Variants in ZBTB7A observed in about 807,000 individuals in gnomAD.
The protein encoded by ZBTB7A is zinc finger and BTB domain containing 7A.
A neutral mutation model predicts 26.7 loss-of-function variants in ZBTB7A; 7 were observed. The ratio of observed to expected loss-of-function variants is 0.26; its 90% confidence interval spans 0.15 to 0.49. The LOEUF (loss-of-function observed/expected upper bound fraction) is 0.49, where lower values mean the gene tolerates loss of function less well. ZBTB7A is among the 20% of genes least tolerant of loss of function. ZBTB7A has a pLI of 0.98. For synonymous variants in ZBTB7A, 452 were observed against 441.0 expected, an observed-to-expected ratio of 1.02 and a Z score of -0.31; for missense variants, 617 against 919.5, an observed-to-expected ratio of 0.67 and a Z score of 4.25.
rs982301808 is a variant in ZBTB7A, at chr19:4,044,271, C to T, written c.*3481G>A. On this transcript the variant is annotated 3_prime_UTR_variant, in exon 3 of 3. Transcript: ENST00000322357. ...TGGGGGGGCAGACTTTGGTATCGCC[C>T]GCTCGAGCCTGCCTGGCTGCAGGTC... 6.6e-6 allele frequency: 1 copy of T among 152,008 alleles called. No homozygotes were observed. Among genetic ancestry groups the T allele is most frequent in the Non-Finnish European group, 1.5e-5 (1 of 68,014 alleles). 9.4% of individuals were successfully genotyped at this position (152,008 alleles called of 1,614,324 possible).
In ZBTB7A at chr19:4,044,822, A is replaced by T. The variant is rs554184029; in HGVS notation, c.*2930T>A. 2 of 150,268 alleles carry T rather than the reference A, an allele frequency of 1.3e-5. No homozygotes were observed. Among genetic ancestry groups the T allele is most frequent in the African/African-American group, 2.4e-5 (1 of 41,024 alleles). The allele number at this position is 150,268 out of a possible 1,614,324, so 9.3% of individuals were successfully genotyped here. A position where few individuals can be genotyped will look rare whatever the true frequency, so the allele number is the denominator to read the frequency against. On this transcript the variant is annotated 3_prime_UTR_variant, in exon 3 of 3. Transcript: ENST00000322357. ...GTCAACACGACCCTCCTCAAATATC[A>T]TTTTTTTTTGTTTGTTTGTTTCCTG...
At chr19:4,051,126 T>TAAA (rs2040500706) in intron 2 of ZBTB7A, among the ~76,000 whole-genome samples, 1 of 92,336 alleles carries the variant, frequency 1.1e-5, no homozygotes, top group African/African-American at 5.4e-5. Flanking sequence ...AAAAAAAAAG[T>TAAA]AGGTGTCTTG....
chr19:4,059,263 G>A (rs1284491643), intron 1 of ZBTB7A, among the ~76,000 whole-genome samples: 1 of 152,180 alleles, frequency 6.6e-6, no homozygotes, highest in Non-Finnish European at 1.5e-5. Context: ...TCCCCGCTCT[G>A]GAGTGGCTGG....
chr19:4,060,488 A>C (rs1405141547), intron 1 of ZBTB7A, among the ~76,000 whole-genome samples: 1 of 152,218 alleles, frequency 6.6e-6, no homozygotes, highest in Non-Finnish European at 1.5e-5. Flanking sequence ...AGAGGCTCAG[A>C]GAGGTGAGGC....
chr19:4,058,525 G>A (rs1479196927), intron 1 of ZBTB7A, among the ~76,000 whole-genome samples: 1 of 147,696 alleles, frequency 6.8e-6, no homozygotes, highest in Non-Finnish European at 1.5e-5. Context: ...CCACCCCTCC[G>A]CCCTCTCCTG....
intron 2 of ZBTB7A, among the ~76,000 whole-genome samples, chr19:4,051,124 A>AAAAAAGGG (rs10690627): frequency 7.4e-6 from 1 of 136,020 alleles, no homozygotes; most frequent in Non-Finnish European, 1.6e-5. Context: ...AAAAAAAAAA[A>AAAAAAGGG]GTAGGTGTCT....
Position 4,045,838 on chromosome 19 carries a change from G to C in ZBTB7A, c.*1914C>G. On this transcript the variant is annotated 3_prime_UTR_variant, in exon 3 of 3. Transcript: ENST00000322357. This position sits in a 1 kb window ranked among gnomAD's most constrained non-coding sequence, Gnocchi z 4.1. ...GCCTTGTGGGAGCCAGAGGTTGGGG[G>C]GAGGCAGGTCCCAGTCCCCCTGGAT... 2.5e-6 allele frequency: 1 copy of C among 398,856 alleles called. No individual in the cohort carries two copies. The highest frequency in any genetic ancestry group is 4.4e-6 in the Non-Finnish European group (1 of 226,110). 24.7% of individuals were successfully genotyped at this position (398,856 alleles called of 1,614,324 possible).
Position 4,045,681 on chromosome 19 carries a change from A to T in ZBTB7A, c.*2071T>A. The T allele has an allele frequency of 2.6e-6, 1 of 384,862 alleles. No homozygotes were observed. Among genetic ancestry groups the T allele is most frequent in the East Asian group, 3.7e-5 (1 of 26,768 alleles). The allele number at this position is 384,862 out of a possible 1,614,324, so 23.8% of individuals were successfully genotyped here. ...GGGCATTGACAAGAAGTCTCAGTGC[A>T]GCAGAGCGTCTATTTTCGGGGTCCC... On this transcript the variant is annotated 3_prime_UTR_variant, in exon 3 of 3. Transcript: ENST00000322357. This position sits in a 1 kb window ranked among gnomAD's most constrained non-coding sequence, Gnocchi z 4.1.
In ZBTB7A at chr19:4,052,982, A is replaced by C. The variant is rs2040519910; in HGVS notation, c.1262+989T>G. Among the ~76,000 whole-genome samples, 1 of 152,198 alleles carries C rather than the reference A, an allele frequency of 6.6e-6. No individual in the cohort carries two copies. The highest frequency in any genetic ancestry group is 6.5e-5 in the Admixed American group (1 of 15,272). ...CAGGCCTGGCACCAGCAGACGCTTC[A>C]TAAATGTTGGCTGATTGAAGCAAAT... On this transcript the variant is annotated intron_variant, in intron 2 of 2. Transcript: ENST00000322357. The surrounding 1 kb of genome is among the most constrained non-coding windows in gnomAD (Gnocchi z 4.9).
At chr19:4,059,615 G>A (rs1423360157) in intron 1 of ZBTB7A, among the ~76,000 whole-genome samples, 2 of 152,264 alleles carry the variant, frequency 1.3e-5, no homozygotes, top group East Asian at 1.9e-4. Context: ...GGGGCTGGGG[G>A]CCAGGAAATG....
intron 1 of ZBTB7A, chr19:4,061,696 G>C (rs781568941): frequency 6.6e-6 from 1 of 152,322 alleles, no homozygotes; most frequent in Non-Finnish European, 1.5e-5. Context: ...CAGGAAGGCC[G>C]TGGGGACCCA....
rs747390241 is a variant in ZBTB7A at position 4,047,781 on chromosome 19, C to T, written c.1726G>A (p.Asp576Asn). ...GCGAGTCCGGCTGTGAAGTTACCGTCGGTGGCGGCCCCGGGGCCACCTCCG... is the reference window on the plus strand; with the variant it reads ...GCGAGTCCGGCTGTGAAGTTACCGTTGGTGGCGGCCCCGGGGCCACCTCCG... ...DSGGGPGAATDGNFTAGLA is the reference protein window; with the variant it reads ...DSGGGPGAATNGNFTAGLA Residue 576 changes from aspartate (D) to asparagine (N), a missense_variant, in exon 3 of 3, where the codon GAC becomes AAC. Transcript: ENST00000322357. 1.3e-6 allele frequency: 2 copies of T among 1,599,822 alleles called. No individual in the cohort carries two copies. The highest frequency in any genetic ancestry group is 8.5e-7 in the Non-Finnish European group (1 of 1,173,942).
chr19:4,062,503 G>A (rs902619316), intron 1 of ZBTB7A, among the ~76,000 whole-genome samples: 1 of 152,234 alleles, frequency 6.6e-6, no homozygotes, highest in Non-Finnish European at 1.5e-5. Context: ...GGATCAGAGA[G>A]GGGGAGCAGC....
intron 2 of ZBTB7A, among the ~76,000 whole-genome samples, chr19:4,049,189 T>C (rs868033824): frequency 6.8e-5 from 2 of 29,416 alleles, no homozygotes; most frequent in Middle Eastern, 0.014. Context: ...TATATATATA[T>C]ATATATATAT....
At chr19:4,053,564 T>G (rs2040529427) in intron 2 of ZBTB7A, among the ~76,000 whole-genome samples, 1 of 150,552 alleles carries the variant, frequency 6.6e-6, no homozygotes, top group African/African-American at 2.5e-5. Flanking sequence ...GGTGTGCGTG[T>G]GTGTGCGCGC....
chr19:4,047,487 A>C lies in ZBTB7A; in HGVS notation c.*265T>G. The C allele has an allele frequency of 9.6e-6, 2 of 207,336 alleles. No homozygotes were observed. The highest frequency in any genetic ancestry group is 9.4e-6 in the Non-Finnish European group (1 of 106,506). The allele number at this position is 207,336 out of a possible 1,614,324, so 12.8% of individuals were successfully genotyped here. A position where few individuals can be genotyped will look rare whatever the true frequency, so the allele number is the denominator to read the frequency against. On this transcript the variant is annotated 3_prime_UTR_variant, in exon 3 of 3. Coordinates refer to ENST00000322357, the MANE Select transcript of ZBTB7A (RefSeq NM_015898.4). ...CCAAACCAAGCCCCGAAACCCAGCGATGGGGTGGTGGGGGGAAGGGGAGCC... is the reference window on the plus strand; with the variant it reads ...CCAAACCAAGCCCCGAAACCCAGCGCTGGGGTGGTGGGGGGAAGGGGAGCC...
intron 1 of ZBTB7A, chr19:4,065,404 G>C (rs1185011055): frequency 6.9e-6 from 1 of 144,282 alleles, no homozygotes; most frequent in Non-Finnish European, 1.5e-5. Context: ...GTCCCCCGCC[G>C]CCTCGCCCGC....
chr19:4,063,319 A>C (rs940698658), intron 1 of ZBTB7A, among the ~76,000 whole-genome samples: 1 of 152,144 alleles, frequency 6.6e-6, no homozygotes, highest in Non-Finnish European at 1.5e-5. Flanking sequence ...CCAGCATTCC[A>C]ACCCTTGAGG....
At chr19:4,051,464 G>GC (rs1401597096) in intron 2 of ZBTB7A, among the ~76,000 whole-genome samples, 1 of 152,172 alleles carries the variant, frequency 6.6e-6, no homozygotes, top group East Asian at 1.9e-4. Flanking sequence ...TCTGGCACCA[G>GC]CTACAGAGCT....
Sources: gnomAD v4.1 joint callset for allele counts (sites outside exome capture counted in the v4.1 genomes callset) on GRCh38, gnomAD v4.1.1 for gene constraint, Gnocchi (gnomAD v3.1) non-coding constraint, MANE v1.5 for transcripts, NCBI Gene and HGNC (gene_info 2026-07-23, HGNC 2026-07-21) for gene names.